Variants in ALK observed in about 807,000 individuals in gnomAD.
ALK encodes the protein ALK tyrosine kinase receptor.
Under a neutral mutation model 163.1 loss-of-function variants are expected in ALK, and 74 were observed. The ratio of observed to expected loss-of-function variants is 0.45; its 90% confidence interval spans 0.38 to 0.55. ALK has a LOEUF of 0.55. Ranked by LOEUF, ALK falls within the 20% of genes least tolerant of loss-of-function variation. The pLI, the probability that ALK is intolerant of heterozygous loss-of-function variation, is 0.00. For missense variants in ALK, 2,063 were observed against 2,105.3 expected, an observed-to-expected ratio of 0.98 and a Z score of 0.39; for synonymous variants, 960 against 843.2, an observed-to-expected ratio of 1.14 and a Z score of -2.40.
At chr2:29,752,925 A>G (rs921499621) in intron 1 of ALK, among the ~76,000 whole-genome samples, 1 of 152,150 alleles carries the variant, frequency 6.6e-6, no homozygotes, top group Non-Finnish European at 1.5e-5. Flanking sequence ...ATTGATGCCT[A>G]CACTCTAGCA....
intron 9 of ALK, among the ~76,000 whole-genome samples, chr2:29,288,652 T>C (rs1665925764): frequency 6.6e-6 from 1 of 152,118 alleles, no homozygotes; most frequent in South Asian, 2.1e-4. Flanking sequence ...GTGTTTGAGC[T>C]AGAAAACTGT....
chr2:29,207,395 T>C lies in ALK; in HGVS notation c.3837-123A>G. On this transcript the variant is annotated intron_variant, in intron 25 of 28. Transcript: ENST00000389048. ...CCCATTAAAGGTCTGAAATTAACCATGAGTCCTTGGCGGTTCAGGAGGAGA... is the reference window on the plus strand; with the variant it reads ...CCCATTAAAGGTCTGAAATTAACCACGAGTCCTTGGCGGTTCAGGAGGAGA... 6.5e-6 allele frequency: 5 copies of C among 772,764 alleles called. No individual in the cohort carries two copies. In the South Asian group the frequency reaches 7.3e-5, roughly 11 times the overall value. The allele number at this position is 772,764 out of a possible 1,614,324, so 47.9% of individuals were successfully genotyped here. A position where few individuals can be genotyped will look rare whatever the true frequency, so the allele number is the denominator to read the frequency against.
Position 29,523,497 on chromosome 2 carries a change from A to G in ALK, c.1154+8418T>C. Among the ~76,000 whole-genome samples the G allele has an allele frequency of 1.3e-5, 2 of 152,166 alleles. 1 individual carries two copies. The highest frequency in any genetic ancestry group is 2.9e-5 in the Non-Finnish European group (2 of 68,038). ...ATTTGTTGACAGAATGCATACATGA[A>G]CTATGAGTGAATTTCTTGACACCAG... is the stretch of plus-strand genomic sequence containing the variant. On this transcript the variant is annotated intron_variant, in intron 4 of 28. Coordinates refer to ENST00000389048, the MANE Select transcript of ALK (RefSeq NM_004304.5).
intron 4 of ALK, among the ~76,000 whole-genome samples, chr2:29,477,942 A>G (rs4666227): frequency 0.5 from 75,393 of 152,078 alleles, 19,999 homozygotes; most frequent in South Asian, 0.62. Flanking sequence ...CACTTCTGCC[A>G]GCAGATAACA....
At chr2:29,235,533 G>A (rs1297174185) in intron 13 of ALK, among the ~76,000 whole-genome samples, 2 of 152,130 alleles carry the variant, frequency 1.3e-5, no homozygotes, top group South Asian at 2.1e-4. Context: ...TGTATGTGCA[G>A]CTATGTCCTG....
intron 1 of ALK, among the ~76,000 whole-genome samples, chr2:29,778,753 G>C (rs1681249417): frequency 6.6e-6 from 1 of 152,156 alleles, no homozygotes; most frequent in Non-Finnish European, 1.5e-5. Context: ...ATAGGAAATA[G>C]GATCCACTCT....
intron 1 of ALK, among the ~76,000 whole-genome samples, chr2:29,730,014 T>C (rs533560602): frequency 8.3e-4 from 127 of 152,310 alleles, no homozygotes; most frequent in African/African-American, 3.0e-3. Flanking sequence ...ATGAGATTTG[T>C]CTGCAGGGCA....
intron 1 of ALK, among the ~76,000 whole-genome samples, chr2:29,910,970 A>C (rs1403733427): frequency 6.7e-6 from 1 of 148,894 alleles, no homozygotes; most frequent in East Asian, 1.9e-4. Context: ...TCTGGACGAA[A>C]CAACAACAAC....
At chr2:29,869,169 A>G (rs926066069) in intron 1 of ALK, among the ~76,000 whole-genome samples, 1 of 152,228 alleles carries the variant, frequency 6.6e-6, no homozygotes, top group Non-Finnish European at 1.5e-5. Context: ...ATCCATGGGC[A>G]TAATAAAATG....
intron 1 of ALK, among the ~76,000 whole-genome samples, chr2:29,811,348 T>G (rs1664754541): frequency 6.6e-6 from 1 of 152,126 alleles, no homozygotes; most frequent in African/African-American, 2.4e-5. Context: ...CCGTGAATAC[T>G]TACAAAAGAA....
intron 7 of ALK, chr2:29,319,023 T>G (rs1053164893): frequency 6.4e-6 from 1 of 155,498 alleles, no homozygotes; most frequent in Non-Finnish European, 1.4e-5. Context: ...CAGTCATGCG[T>G]GGCCTTCCAG....
intron 3 of ALK, among the ~76,000 whole-genome samples, chr2:29,569,852 C>A (rs573299237): frequency 1.3e-5 from 2 of 152,324 alleles, no homozygotes; most frequent in African/African-American, 4.8e-5. Flanking sequence ...AGGGGAAGAA[C>A]CTGGGTTCCA....
intron 7 of ALK, among the ~76,000 whole-genome samples, chr2:29,319,497 A>G (rs1216129261): frequency 6.6e-6 from 1 of 152,058 alleles, no homozygotes; most frequent in Admixed American, 6.5e-5. Flanking sequence ...TTCCCTTCAG[A>G]TTTCTGAGGG....
At chr2:29,663,622 A>G (rs1257483250) in intron 3 of ALK, among the ~76,000 whole-genome samples, 1 of 152,176 alleles carries the variant, frequency 6.6e-6, no homozygotes, top group Non-Finnish European at 1.5e-5. Flanking sequence ...TGTGTCTAAG[A>G]CATATTTGAA....
intron 11 of ALK, among the ~76,000 whole-genome samples, chr2:29,258,771 A>G (rs186016691): frequency 2.6e-5 from 4 of 152,330 alleles, no homozygotes; most frequent in Admixed American, 6.5e-5. Flanking sequence ...GCTATATGAT[A>G]TGACAAAATA....
At chr2:29,791,899 G>A (rs753890363) in intron 1 of ALK, among the ~76,000 whole-genome samples, 31 of 152,234 alleles carry the variant, frequency 2.0e-4, no homozygotes, top group Non-Finnish European at 3.8e-4. Context: ...AAACAATCGG[G>A]TGATTCAGAT....
chr2:29,341,926 ACTT>A (rs1199805992), intron 5 of ALK, among the ~76,000 whole-genome samples: 7 of 152,190 alleles, frequency 4.6e-5, no homozygotes, highest in Non-Finnish European at 1.0e-4. Flanking sequence ...GAGGGTCTGA[ACTT>A]CTCAGAACCA....
At chr2:29,386,523 T>C (rs139757517) in intron 4 of ALK, among the ~76,000 whole-genome samples, 39 of 152,280 alleles carry the variant, frequency 2.6e-4, no homozygotes, top group African/African-American at 7.5e-4. Flanking sequence ...TGAGGAAAGA[T>C]AGTGGTGAAA....
intron 8 of ALK, among the ~76,000 whole-genome samples, chr2:29,316,978 G>T (rs1666851038): frequency 6.6e-6 from 1 of 152,018 alleles, no homozygotes; most frequent in Admixed American, 6.5e-5. Context: ...GTGGAGCCTT[G>T]GTTTTAATTT....
Sources: allele counts gnomAD v4.1 joint callset (sites outside exome capture counted in the v4.1 genomes callset), GRCh38; gene constraint gnomAD v4.1.1; transcripts MANE v1.5; gene names NCBI Gene and HGNC (gene_info 2026-07-23, HGNC 2026-07-21).